POU6F2: variants seen among roughly 807,000 people sequenced by gnomAD.
POU6F2 encodes the protein POU class 6 homeobox 2.
In POU6F2, 31 loss-of-function variants were observed where a neutral mutation model predicts 71.3. That is an observed-to-expected ratio of 0.43 (90% confidence interval 0.33 to 0.59). The LOEUF (loss-of-function observed/expected upper bound fraction) is 0.59, where lower values mean the gene tolerates loss of function less well. POU6F2 is among the 20% of genes least tolerant of loss of function. The pLI, the probability that POU6F2 is intolerant of heterozygous loss-of-function variation, is 0.04. For synonymous variants in POU6F2, 347 were observed against 355.7 expected (o/e 0.98, Z 0.27); for missense variants, 783 against 856.8 (o/e 0.91, Z 1.07).
chr7:38,979,504 A>G (rs1788261869), intron 1 of POU6F2, among the ~76,000 whole-genome samples: 1 of 152,206 alleles, frequency 6.6e-6, no homozygotes, highest in Non-Finnish European at 1.5e-5. Flanking sequence ...AAAACTTTCA[A>G]GTTAATTTTT....
chr7:39,010,563 T>C (rs1477325887), intron 1 of POU6F2, among the ~76,000 whole-genome samples: 18 of 147,924 alleles, frequency 1.2e-4, no homozygotes, highest in African/African-American at 4.3e-4. Flanking sequence ...TGCCTTCTGC[T>C]AGCTTTTGAA....
At chr7:39,013,791 A>G (rs1789397000) in intron 1 of POU6F2, among the ~76,000 whole-genome samples, 1 of 152,092 alleles carries the variant, frequency 6.6e-6, no homozygotes, top group Non-Finnish European at 1.5e-5. Context: ...CAATGAGTGG[A>G]GGAAATAGTT....
Position 39,050,089 on chromosome 7 carries a change from T to C in POU6F2, c.106-35771T>C, listed in dbSNP as rs374156492. ...ACCAATATTGTTTTAAAAATGTGTTTATATCTTTGTTTAGTAACTTGTTTG... is the reference window on the plus strand; with the variant it reads ...ACCAATATTGTTTTAAAAATGTGTTCATATCTTTGTTTAGTAACTTGTTTG... On this transcript the variant is annotated intron_variant, in intron 1 of 9. Transcript: ENST00000518318. Among the ~76,000 whole-genome samples, 9 of 152,180 alleles carry C rather than the reference T, an allele frequency of 5.9e-5. No homozygotes were observed. The East Asian group carries it at 1.7e-3, about 29-fold the overall frequency.
At chr7:39,265,263 C>T (rs1416923130) in intron 4 of POU6F2, among the ~76,000 whole-genome samples, 1 of 152,100 alleles carries the variant, frequency 6.6e-6, no homozygotes, top group Non-Finnish European at 1.5e-5. Flanking sequence ...TTAAACTGCT[C>T]GGCCATACCC....
At chr7:38,985,210 A>G (rs969882909) in intron 1 of POU6F2, among the ~76,000 whole-genome samples, 1 of 152,158 alleles carries the variant, frequency 6.6e-6, no homozygotes, top group Non-Finnish European at 1.5e-5. Flanking sequence ...CTTGCTTCAG[A>G]CACAGCTAGT....
At chr7:39,354,685 AAAG>A (rs1786216623) in intron 5 of POU6F2, among the ~76,000 whole-genome samples, 2 of 152,202 alleles carry the variant, frequency 1.3e-5, no homozygotes, top group Admixed American at 6.5e-5. Flanking sequence ...TTAGAGATTC[AAAG>A]GAGACCCTAA....
chr7:39,117,753 C>A (rs1308475755), intron 2 of POU6F2, among the ~76,000 whole-genome samples: 1 of 152,098 alleles, frequency 6.6e-6, no homozygotes, highest in African/African-American at 2.4e-5. Flanking sequence ...GGTTGAAAAC[C>A]TATAAAAAGC....
intron 2 of POU6F2, among the ~76,000 whole-genome samples, chr7:39,165,974 C>A (rs1311995335): frequency 3.9e-5 from 6 of 152,162 alleles, no homozygotes; most frequent in Non-Finnish European, 8.8e-5. Flanking sequence ...TTCGGAGAAC[C>A]TTTTCCATTC....
chr7:39,258,282 C>T (rs1161645842), intron 4 of POU6F2, among the ~76,000 whole-genome samples: 4 of 152,158 alleles, frequency 2.6e-5, no homozygotes, highest in South Asian at 2.1e-4. Context: ...CTATACTGGA[C>T]TCTGAGAGAT....
intron 2 of POU6F2, among the ~76,000 whole-genome samples, chr7:39,132,878 T>C (rs1792317751): frequency 1.3e-5 from 2 of 152,282 alleles, no homozygotes; most frequent in Admixed American, 1.3e-4. Context: ...CTGCCTTTTT[T>C]CCCCCTCATT....
At chr7:39,191,941 A>G (rs1793678908) in intron 2 of POU6F2, among the ~76,000 whole-genome samples, 1 of 152,226 alleles carries the variant, frequency 6.6e-6, no homozygotes, top group Non-Finnish European at 1.5e-5. Context: ...AAAAGTCTCC[A>G]ACAATCTCTT....
chr7:39,055,708 T>C (rs10235506), intron 1 of POU6F2, among the ~76,000 whole-genome samples: 48,172 of 151,826 alleles, frequency 0.32, 8,302 homozygotes, highest in African/African-American at 0.46. Flanking sequence ...AGGTAAGTAA[T>C]GTTCTAGACG....
chr7:39,127,050 C>T (rs1792154141), intron 2 of POU6F2, among the ~76,000 whole-genome samples: 1 of 151,696 alleles, frequency 6.6e-6, no homozygotes, highest in African/African-American at 2.4e-5. Flanking sequence ...TTTTATTTAA[C>T]CTCATATATA....
chr7:38,994,474 A>C (rs1788685526), intron 1 of POU6F2, among the ~76,000 whole-genome samples: 1 of 152,176 alleles, frequency 6.6e-6, no homozygotes, highest in Non-Finnish European at 1.5e-5. Context: ...TGGGCACAGA[A>C]AAAAAGTGTC....
intron 5 of POU6F2, among the ~76,000 whole-genome samples, chr7:39,377,131 T>TTA (rs1041978435): frequency 1.3e-5 from 2 of 149,050 alleles, no homozygotes; most frequent in African/African-American, 4.9e-5. Flanking sequence ...ATATTTATAA[T>TTA]TATATATATA....
rs1375673194 is a variant in POU6F2, at chr7:39,465,307, C to T, written c.*621C>T. On this transcript the variant is annotated 3_prime_UTR_variant, in exon 10 of 10. Transcript: ENST00000518318. The stretch of plus-strand genomic sequence containing the variant: ...AATTTTTACATTTGTACTAACAGAA[C>T]AATAGGAAGCCTGATTTCTCCCATC... 6.6e-6 allele frequency: 1 copy of T among 152,444 alleles called. No homozygotes were observed. Among genetic ancestry groups the T allele is most frequent in the Non-Finnish European group, 1.5e-5 (1 of 68,226 alleles). 9.4% of individuals were successfully genotyped at this position (152,444 alleles called of 1,614,324 possible).
Position 39,322,476 on chromosome 7 carries a change from G to A in POU6F2, c.599-17166G>A, listed in dbSNP as rs534807263. On this transcript the variant is annotated intron_variant, in intron 4 of 9. Coordinates refer to ENST00000518318, the MANE Select transcript of POU6F2 (RefSeq NM_001370959.1). ...GCCCTTGGTTAGGATGACATTTTTC[G>A]CTCTTTTAAGATTATGATTTAATCT... Among the ~76,000 whole-genome samples the A allele has an allele frequency of 5.9e-5, 9 of 152,202 alleles. No individual in the cohort carries two copies. The East Asian group carries it at 9.6e-4, about 16-fold the overall frequency.
intron 2 of POU6F2, among the ~76,000 whole-genome samples, chr7:39,126,228 G>A (rs1257367548): frequency 6.6e-6 from 1 of 152,176 alleles, no homozygotes; most frequent in Non-Finnish European, 1.5e-5. Context: ...CAGCACTGTG[G>A]GCATGCTTAT....
At chr7:39,131,851 T>TA (rs398111264) in intron 2 of POU6F2, among the ~76,000 whole-genome samples, 2 of 151,868 alleles carry the variant, frequency 1.3e-5, no homozygotes, top group Non-Finnish European at 1.5e-5. Flanking sequence ...ATTTTTTTTT[T>TA]ATGTTTTTAA....
Sources: allele counts gnomAD v4.1 joint callset (sites outside exome capture counted in the v4.1 genomes callset), GRCh38; gene constraint gnomAD v4.1.1; transcripts MANE v1.5; gene names NCBI Gene and HGNC (gene_info 2026-07-23, HGNC 2026-07-21).